VSTM1: variants seen among roughly 807,000 people sequenced by gnomAD.
The protein encoded by VSTM1 is V-set and transmembrane domain containing 1, also known as V-set and transmembrane domain-containing protein 1.
A neutral mutation model predicts 33.1 loss-of-function variants in VSTM1; 27 were observed. The observed-to-expected ratio is 0.82, with a 90% CI of 0.60 to 1.12. The LOEUF is 1.12. Among genes scored for constraint, VSTM1 ranks in the 50% most tolerant of loss-of-function variants. The pLI, the probability that VSTM1 is intolerant of heterozygous loss-of-function variation, is 0.00. For missense variants in VSTM1, 304 were observed against 288.9 expected, an observed-to-expected ratio of 1.05 and a Z score of -0.38; for synonymous variants, 115 against 110.3, an observed-to-expected ratio of 1.04 and a Z score of -0.27.
chr19:54,050,893 G>A lies in VSTM1; in HGVS notation c.394+517C>T, dbSNP rs948602355. On this transcript the variant is annotated intron_variant, in intron 4 of 8. Coordinates refer to ENST00000338372, the MANE Select transcript of VSTM1 (RefSeq NM_198481.4). The stretch of plus-strand genomic sequence containing the variant: ...TGTAATCCCAGCTATTCGGGAGGCC[G>A]AGGCAGGAGAATTGCTTGAACCCAG... Among the ~76,000 whole-genome samples the A allele has an allele frequency of 2.0e-5, 3 of 152,172 alleles. No homozygotes were observed. In the East Asian group the frequency reaches 5.8e-4, roughly 29 times the overall value.
At chr19:54,063,207 C>G (rs970123851) in intron 1 of VSTM1, among the ~76,000 whole-genome samples, 2 of 151,848 alleles carry the variant, frequency 1.3e-5, no homozygotes, top group African/African-American at 2.4e-5. Flanking sequence ...GTGTGGTGGC[C>G]TGCACCTGTA....
intron 4 of VSTM1, among the ~76,000 whole-genome samples, chr19:54,043,023 T>G (rs1361850813): frequency 1.3e-5 from 2 of 151,042 alleles, no homozygotes; most frequent in Non-Finnish European, 3.0e-5. Flanking sequence ...GTGTAATCAC[T>G]GTCTGAAATC....
chr19:54,063,849 G>GCCGCAGCTCTCCGGCTGC lies in VSTM1; in HGVS notation c.-90_-73dup. On this transcript the variant is annotated 5_prime_UTR_variant, in exon 1 of 9. Transcript: ENST00000338372. ...TCAAAGGCGGAGCGGGACTGGGCCG[G>GCCGCAGCTCTCCGGCTGC]CCGCAGCTCTCCGGCTGCCCGGTTC... The GCCGCAGCTCTCCGGCTGC allele has an allele frequency of 1.9e-6, 3 of 1,556,056 alleles. No individual in the cohort carries two copies. Among genetic ancestry groups the GCCGCAGCTCTCCGGCTGC allele is most frequent in the South Asian group, 2.3e-5 (2 of 86,506 alleles).
chr19:54,044,628 C>A (rs902975977), intron 4 of VSTM1, among the ~76,000 whole-genome samples: 1 of 152,114 alleles, frequency 6.6e-6, no homozygotes, highest in Admixed American at 6.6e-5. Context: ...ACAAAAAAAA[C>A]TAGTTCTTGA....
At chr19:54,062,759 G>A (rs2071457934) in intron 1 of VSTM1, among the ~76,000 whole-genome samples, 1 of 150,942 alleles carries the variant, frequency 6.6e-6, no homozygotes, top group African/African-American at 2.4e-5. Context: ...GTGCAAATGT[G>A]TGTAGGAGAC....
Position 54,041,916 on chromosome 19 carries a change from C to A in VSTM1, c.553G>T (p.Glu185Ter). 6.2e-7 allele frequency: 1 copy of A among 1,614,124 alleles called. No individual in the cohort carries two copies. ...HSKLPEQEAAEADLSNMERVS... is the reference protein window; with the variant it reads ...HSKLPEQEAA ...CCCTTAAACTTCCCCTGTCCCTTAC[C>A]GGCAGCCTCCTGCTCCGGAAGTTTG... Residue 185 changes from glutamate to a stop codon, truncating the protein, a stop_gained and splice_region_variant, in exon 7 of 9, where the codon GAG (glutamate) becomes TAG (stop). Coordinates refer to ENST00000338372, the MANE Select transcript of VSTM1 (RefSeq NM_198481.4). LOFTEE classifies it high-confidence loss of function.
intron 1 of VSTM1, among the ~76,000 whole-genome samples, chr19:54,063,260 C>T (rs1190607395): frequency 6.6e-6 from 1 of 152,128 alleles, no homozygotes; most frequent in Non-Finnish European, 1.5e-5. Context: ...ATCGCTTGAA[C>T]CTGGGAGACG....
chr19:54,046,226 C>T (rs946698648), intron 4 of VSTM1, among the ~76,000 whole-genome samples: 1 of 152,134 alleles, frequency 6.6e-6, no homozygotes, highest in Non-Finnish European at 1.5e-5. Context: ...TATCTATCCC[C>T]CTCCCTGAAA....
At chr19:54,042,140 G>A (rs762763389) in intron 6 of VSTM1, 29 bp downstream of exon 6, 5 of 1,613,688 alleles carry the variant, frequency 3.1e-6, no homozygotes, top group East Asian at 4.5e-5. Flanking sequence ...ATGGGAATAA[G>A]TGGAGCATGA....
At chr19:54,043,909 C>T (rs2070445179) in intron 4 of VSTM1, among the ~76,000 whole-genome samples, 1 of 149,506 alleles carries the variant, frequency 6.7e-6, no homozygotes. Flanking sequence ...AGGGAGGTCA[C>T]AGATGGGAGC....
intron 3 of VSTM1, among the ~76,000 whole-genome samples, chr19:54,054,383 C>T (rs1199586739): frequency 1.4e-5 from 2 of 142,254 alleles, no homozygotes; most frequent in African/African-American, 5.2e-5. Context: ...GTGATGAGCA[C>T]CTTGTTGGAG....
intron 4 of VSTM1, among the ~76,000 whole-genome samples, chr19:54,050,200 T>C (rs1329075513): frequency 2.6e-5 from 4 of 151,786 alleles, no homozygotes; most frequent in Admixed American, 1.3e-4. Context: ...GGTTTCACCA[T>C]GTTGCCCAGG....
At chr19:54,041,592 C>A (rs897944654) in intron 8 of VSTM1, among the ~76,000 whole-genome samples, 187 bp downstream of exon 8, 26 of 152,202 alleles carry the variant, frequency 1.7e-4, no homozygotes, top group Non-Finnish European at 1.6e-4. Flanking sequence ...TGAGCCACCG[C>A]GCCCGGCCCA....
intron 4 of VSTM1, 152 bp from the exon 5 acceptor site, chr19:54,042,521 A>G (rs1194403629): frequency 1.7e-6 from 2 of 1,199,372 alleles, no homozygotes; most frequent in Non-Finnish European, 2.3e-6. Flanking sequence ...TGCTTTGGGG[A>G]ATTTCCTTAA....
rs867251739 is a variant in VSTM1, at chr19:54,048,854, C to T, written c.394+2556G>A. On this transcript the variant is annotated intron_variant, in intron 4 of 8. Coordinates refer to ENST00000338372, the MANE Select transcript of VSTM1 (RefSeq NM_198481.4). ...ATCCCAGCACTTTGGGAAGCTGAGGCGTGTGGATCACCTGAGGTCAGGAGT... is the reference window on the plus strand; with the variant it reads ...ATCCCAGCACTTTGGGAAGCTGAGGTGTGTGGATCACCTGAGGTCAGGAGT... Among the ~76,000 whole-genome samples, 9 of 152,168 alleles carry T rather than the reference C, an allele frequency of 5.9e-5. No homozygotes were observed. In the East Asian group the frequency reaches 1.2e-3, roughly 20 times the overall value.
chr19:54,059,776 A>G (rs1338229786), intron 1 of VSTM1, among the ~76,000 whole-genome samples: 4 of 143,492 alleles, frequency 2.8e-5, no homozygotes, highest in Non-Finnish European at 6.1e-5. Context: ...GCCCGGCCTG[A>G]TTGCAGTTTT....
intron 4 of VSTM1, among the ~76,000 whole-genome samples, chr19:54,044,276 T>TGGCC (rs1383162253): frequency 2.0e-5 from 3 of 152,014 alleles, no homozygotes; most frequent in African/African-American, 7.2e-5. Flanking sequence ...GAATGACCAG[T>TGGCC]GGCCGGGCAC....
chr19:54,060,954 A>C (rs1276357144), intron 1 of VSTM1, among the ~76,000 whole-genome samples: 1 of 150,310 alleles, frequency 6.7e-6, no homozygotes, highest in East Asian at 2.0e-4. Flanking sequence ...GCCTCCCAAC[A>C]TGCTGGGATT....
intron 3 of VSTM1, among the ~76,000 whole-genome samples, chr19:54,054,201 G>A (rs1428418797): frequency 7.0e-6 from 1 of 142,250 alleles, no homozygotes; most frequent in Non-Finnish European, 1.5e-5. Flanking sequence ...GTGATGTAAT[G>A]GTACAGCTGC....
Sources: gnomAD v4.1 joint callset for allele counts (sites outside exome capture counted in the v4.1 genomes callset) on GRCh38, gnomAD v4.1.1 for gene constraint, MANE v1.5 for transcripts, NCBI Gene and HGNC (gene_info 2026-07-23, HGNC 2026-07-21) for gene names.